The following CAMTA1 variants were observed in gnomAD, a reference collection of about 807,000 sequenced individuals.
CAMTA1 encodes calmodulin-binding transcription activator 1.
In CAMTA1, 27 loss-of-function variants were observed where a neutral mutation model predicts 170.9. The observed-to-expected ratio is 0.16, with a 90% CI of 0.12 to 0.22. The LOEUF (loss-of-function observed/expected upper bound fraction) is 0.22, where lower values mean the gene tolerates loss of function less well. Ranked by LOEUF, CAMTA1 falls within the 10% of genes least tolerant of loss-of-function variation. The probability of loss-of-function intolerance (pLI) is 1.00; values close to 1 mark genes in which losing one functional copy is unlikely to be tolerated. For synonymous variants in CAMTA1, 833 were observed against 891.5 expected, an observed-to-expected ratio of 0.93 and a Z score of 1.17; for missense variants, 1,619 against 2,217.2, an observed-to-expected ratio of 0.73 and a Z score of 5.42.
At chr1:6,959,755 C>T (rs1690062412) in intron 3 of CAMTA1, among the ~76,000 whole-genome samples, 1 of 152,280 alleles carries the variant, frequency 6.6e-6, no homozygotes, top group Non-Finnish European at 1.5e-5. Flanking sequence ...TTACGTTGCT[C>T]TTGTAAGGTC....
chr1:6,910,229 A>T (rs1276423115), intron 3 of CAMTA1, among the ~76,000 whole-genome samples: 4 of 152,228 alleles, frequency 2.6e-5, no homozygotes, highest in Non-Finnish European at 4.4e-5. Flanking sequence ...CTGCTGGGTC[A>T]TAATTAAGGT....
intron 3 of CAMTA1, among the ~76,000 whole-genome samples, chr1:6,943,076 C>G (rs1413341743): frequency 1.3e-5 from 2 of 152,100 alleles, no homozygotes; most frequent in African/African-American, 4.8e-5. Context: ...CTCAAGGTCA[C>G]CAGCAACCTG....
intron 3 of CAMTA1, among the ~76,000 whole-genome samples, chr1:6,850,748 C>T (rs1012038111): frequency 5.3e-5 from 8 of 152,296 alleles, no homozygotes; most frequent in Non-Finnish European, 8.8e-5. Flanking sequence ...AAGAATTAGG[C>T]AGATGAGAAG....
chr1:7,533,553 C>G (rs1014243648), intron 6 of CAMTA1, among the ~76,000 whole-genome samples: 1 of 152,182 alleles, frequency 6.6e-6, no homozygotes, highest in Admixed American at 6.5e-5. Flanking sequence ...CTGAGTGTGT[C>G]AGAGAGGCTG....
chr1:7,107,624 G>A (rs1036694896), intron 4 of CAMTA1, among the ~76,000 whole-genome samples: 4 of 152,154 alleles, frequency 2.6e-5, no homozygotes, highest in African/African-American at 7.2e-5. Flanking sequence ...CCGGAGGGGC[G>A]GGTGCTGCTG....
intron 5 of CAMTA1, among the ~76,000 whole-genome samples, chr1:7,337,857 C>T (rs1047265315): frequency 6.6e-6 from 1 of 152,130 alleles, no homozygotes; most frequent in African/African-American, 2.4e-5. Flanking sequence ...AAGATTACAG[C>T]ATCAACTCTT....
intron 6 of CAMTA1, among the ~76,000 whole-genome samples, chr1:7,616,190 A>C (rs1000536183): frequency 6.6e-6 from 1 of 152,256 alleles, no homozygotes; most frequent in African/African-American, 2.4e-5. Flanking sequence ...CACATTGCTG[A>C]GAGAAACCAA....
At chr1:7,209,707 A>G (rs1001413418) in intron 4 of CAMTA1, among the ~76,000 whole-genome samples, 2 of 152,232 alleles carry the variant, frequency 1.3e-5, no homozygotes, top group Non-Finnish European at 2.9e-5. Context: ...GGGAGGGTCA[A>G]ATGGCCACAG....
intron 4 of CAMTA1, among the ~76,000 whole-genome samples, chr1:7,215,715 T>C (rs545866943): frequency 1.3e-5 from 2 of 152,358 alleles, no homozygotes; most frequent in East Asian, 3.9e-4. Flanking sequence ...GTTTTCATGA[T>C]CACATGTACA....
At chr1:6,933,457 A>G (rs1399552662) in intron 3 of CAMTA1, among the ~76,000 whole-genome samples, 1 of 152,004 alleles carries the variant, frequency 6.6e-6, no homozygotes, top group East Asian at 1.9e-4. Context: ...GTGGGGTTTC[A>G]CCATGTTGGC....
chr1:7,266,647 A>G (rs527666417), intron 5 of CAMTA1, among the ~76,000 whole-genome samples: 19 of 152,228 alleles, frequency 1.2e-4, no homozygotes, highest in Non-Finnish European at 2.5e-4. Flanking sequence ...GAGAAGGACT[A>G]GAGGACAGTG....
intron 6 of CAMTA1, among the ~76,000 whole-genome samples, chr1:7,582,676 G>A (rs2095271514): frequency 6.6e-6 from 1 of 152,032 alleles, no homozygotes; most frequent in African/African-American, 2.4e-5. Flanking sequence ...CACTACAAAG[G>A]AGAGAGGCAC....
intron 6 of CAMTA1, among the ~76,000 whole-genome samples, chr1:7,545,885 T>C: frequency 6.9e-6 from 1 of 144,228 alleles, no homozygotes. Flanking sequence ...CCCCCGGACA[T>C]GTCCATGTGT....
chr1:7,596,285 G>T (rs1340840019), intron 6 of CAMTA1, among the ~76,000 whole-genome samples: 1 of 152,242 alleles, frequency 6.6e-6, no homozygotes, highest in Non-Finnish European at 1.5e-5. Context: ...CAGCATGCTG[G>T]CTGGGTGACC....
At chr1:6,798,926 C>T (rs1365834248) in intron 1 of CAMTA1, among the ~76,000 whole-genome samples, 1 of 152,088 alleles carries the variant, frequency 6.6e-6, no homozygotes, top group Non-Finnish European at 1.5e-5. Context: ...TTTATCTAAC[C>T]CTGAACCAAT....
intron 6 of CAMTA1, among the ~76,000 whole-genome samples, chr1:7,520,418 A>G (rs1418457266): frequency 1.3e-5 from 2 of 149,694 alleles, no homozygotes; most frequent in Non-Finnish European, 3.0e-5. Context: ...AGTGCTGAGT[A>G]CAAGTGTCTT....
chr1:7,025,199 G>C (rs1210971288), intron 3 of CAMTA1, among the ~76,000 whole-genome samples: 1 of 152,202 alleles, frequency 6.6e-6, no homozygotes, highest in African/African-American at 2.4e-5. Flanking sequence ...TCAGCGTTTG[G>C]GGGAGGCTTC....
chr1:6,871,684 A>C lies in CAMTA1; in HGVS notation c.234+46474A>C. On this transcript the variant is annotated intron_variant, in intron 3 of 22. Coordinates refer to ENST00000303635, the MANE Select transcript of CAMTA1 (RefSeq NM_015215.4). ...GAATGATGGGGTTCAGTTACAGTGG[A>C]ATCTTTTCAAGAGCTTGATTTTAAA... 3.0e-6 allele frequency: 4 copies of C among 1,320,026 alleles called. No individual in the cohort carries two copies. The South Asian group carries it at 5.2e-5, about 17-fold the overall frequency. The allele number at this position is 1,320,026 out of a possible 1,614,324, so 81.8% of individuals were successfully genotyped here.
rs149011428 is a variant in CAMTA1, at chr1:7,611,710, C to T, written c.511-28690C>T. Among the ~76,000 whole-genome samples, 148 of 152,382 alleles carry T rather than the reference C, an allele frequency of 9.7e-4. 1 individual carries two copies. Among genetic ancestry groups the T allele is most frequent in the African/African-American group, 3.3e-3 (137 of 41,596 alleles). On this transcript the variant is annotated intron_variant, in intron 6 of 22. Transcript: ENST00000303635. ...TACTGTACCTCCCAGGCTCAGCCGGCCTTTCCCACCTGCACTCGCTGCCAG... is the reference window on the plus strand; with the variant it reads ...TACTGTACCTCCCAGGCTCAGCCGGTCTTTCCCACCTGCACTCGCTGCCAG...
Sources: gnomAD v4.1 joint callset for allele counts (sites outside exome capture counted in the v4.1 genomes callset) on GRCh38, gnomAD v4.1.1 for gene constraint, MANE v1.5 for transcripts, NCBI Gene and HGNC (gene_info 2026-07-23, HGNC 2026-07-21) for gene names.